Variants in KIF3B observed in about 807,000 individuals in gnomAD.
KIF3B encodes kinesin-like protein KIF3B.
A neutral mutation model predicts 74.3 loss-of-function variants in KIF3B; 38 were observed. That is an observed-to-expected ratio of 0.51 (90% CI 0.39 to 0.67). KIF3B has a LOEUF of 0.67. KIF3B is among the 30% of genes least tolerant of loss of function. The probability of loss-of-function intolerance (pLI) is 0.00; values close to 1 mark genes in which losing one functional copy is unlikely to be tolerated. For missense variants in KIF3B, 649 were observed against 932.0 expected (o/e 0.70, Z 3.95); for synonymous variants, 326 against 342.5 (o/e 0.95, Z 0.53).
chr20:32,302,803 G>A (rs546406859), intron 1 of KIF3B, among the ~76,000 whole-genome samples: 3 of 152,112 alleles, frequency 2.0e-5, no homozygotes, highest in Non-Finnish European at 4.4e-5. Context: ...GAGACAGGCC[G>A]TAGCTCATGA....
intron 1 of KIF3B, among the ~76,000 whole-genome samples, chr20:32,301,962 C>T (rs2047746293): frequency 1.3e-5 from 2 of 152,170 alleles, no homozygotes; most frequent in South Asian, 4.1e-4. Context: ...GGGAATTACT[C>T]AATTTTTCAT....
intron 1 of KIF3B, among the ~76,000 whole-genome samples, chr20:32,297,395 A>G (rs1438546404): frequency 6.6e-6 from 1 of 152,190 alleles, no homozygotes; most frequent in African/African-American, 2.4e-5. Context: ...AAAATACAGA[A>G]ATGTTGAAAG....
At chr20:32,294,477 C>T (rs182039598) in intron 1 of KIF3B, among the ~76,000 whole-genome samples, 12 of 152,226 alleles carry the variant, frequency 7.9e-5, no homozygotes, top group African/African-American at 2.2e-4. Flanking sequence ...AATACATGCA[C>T]CCATCAAAAA....
At chr20:32,311,770 C>G (rs1464529536) in intron 2 of KIF3B, among the ~76,000 whole-genome samples, 2 of 151,456 alleles carry the variant, frequency 1.3e-5, no homozygotes, top group Non-Finnish European at 2.9e-5. Flanking sequence ...ACCCCCCCAC[C>G]CAGTGTAAGA....
At chr20:32,283,133 C>T (rs563518948) in intron 1 of KIF3B, among the ~76,000 whole-genome samples, 1 of 152,234 alleles carries the variant, frequency 6.6e-6, no homozygotes, top group South Asian at 2.1e-4. Context: ...AACTCCTGGG[C>T]TCAAGTGATC....
chr20:32,314,666 C>A (rs554525410), intron 2 of KIF3B, among the ~76,000 whole-genome samples: 3 of 152,176 alleles, frequency 2.0e-5, no homozygotes, highest in Non-Finnish European at 4.4e-5. Flanking sequence ...TGAAAGATGG[C>A]AGCAGAGCTC....
At chr20:32,326,930 A>G (rs1164023219) in intron 6 of KIF3B, 46 bp downstream of exon 6, 4 of 942,312 alleles carry the variant, frequency 4.2e-6, no homozygotes, top group Non-Finnish European at 5.0e-6. Flanking sequence ...ATGAGGGAGG[A>G]AAAGAATGTT....
rs755909525 is a variant in KIF3B, at chr20:32,316,274, A to G, written c.1461A>G (p.Glu487=). Residue 487 remains glutamate (E), a synonymous_variant, in exon 3 of 9, where the codon GAA becomes GAG. Coordinates refer to ENST00000375712, the MANE Select transcript of KIF3B (RefSeq NM_004798.4). ...GGKNIVDHTN[E]QQKILEQKRQ... is the part of the protein sequence containing the mutation. Reference sequence around the variant, plus strand: ...AAAATATAGTAGATCATACGAATGAACAGCAGAAAATCCTGGAGCAGAAAC... The same window carrying G: ...AAAATATAGTAGATCATACGAATGAGCAGCAGAAAATCCTGGAGCAGAAAC... The G allele has an allele frequency of 5.6e-6, 9 of 1,613,858 alleles. No individual in the cohort carries two copies. The South Asian group carries it at 7.7e-5, about 14-fold the overall frequency.
chr20:32,320,860 A>C (rs895811234), intron 5 of KIF3B, among the ~76,000 whole-genome samples: 1 of 152,020 alleles, frequency 6.6e-6, no homozygotes, highest in African/African-American at 2.4e-5. Flanking sequence ...TTTGATGGAC[A>C]TTTGGGTTAT....
At chr20:32,315,563 A>G (rs545226655) in intron 2 of KIF3B, among the ~76,000 whole-genome samples, 5 of 152,062 alleles carry the variant, frequency 3.3e-5, no homozygotes, top group Non-Finnish European at 4.4e-5. Context: ...CAATCAACCA[A>G]TCAGCCAAGT....
intron 1 of KIF3B, among the ~76,000 whole-genome samples, chr20:32,285,956 T>C (rs2047665747): frequency 6.6e-6 from 1 of 152,254 alleles, no homozygotes; most frequent in African/African-American, 2.4e-5. Context: ...TCACACTGAT[T>C]GCGGACATTG....
chr20:32,298,804 A>C (rs148193189), intron 1 of KIF3B, among the ~76,000 whole-genome samples: 2 of 151,992 alleles, frequency 1.3e-5, no homozygotes, highest in African/African-American at 2.4e-5. Flanking sequence ...AGCTGTAGGT[A>C]GTAGGCCACC....
chr20:32,294,594 A>G (rs1263476921), intron 1 of KIF3B, among the ~76,000 whole-genome samples: 5 of 152,224 alleles, frequency 3.3e-5, no homozygotes, highest in Non-Finnish European at 7.3e-5. Context: ...AAAGCTAAGC[A>G]TTTAACATTC....
Position 32,280,404 on chromosome 20 carries a change from C to G in KIF3B, c.-66+2639C>G, listed in dbSNP as rs545134705. Among the ~76,000 whole-genome samples, 5 of 151,986 alleles carry G rather than the reference C, an allele frequency of 3.3e-5. No individual in the cohort carries two copies. In the East Asian group the frequency reaches 9.7e-4, roughly 29 times the overall value. ...GCCCCAGGAACCTGTAATCATGTGC[C>G]ACAATGGGTTGCAAAGAAAGGTAAA... On this transcript the variant is annotated intron_variant, in intron 1 of 8. Coordinates refer to ENST00000375712, the MANE Select transcript of KIF3B (RefSeq NM_004798.4).
chr20:32,307,893 T>C (rs1600427932), intron 1 of KIF3B, among the ~76,000 whole-genome samples: 1 of 136,158 alleles, frequency 7.3e-6, no homozygotes, highest in Non-Finnish European at 1.5e-5. Context: ...TGCTCCAGCC[T>C]GGGTGACAAA....
In KIF3B at chr20:32,310,428, A is replaced by G; in HGVS notation, c.651A>G (p.Ala217=). The change falls in exon 2 of 9, where the codon GCA becomes GCG. Residue 217 remains alanine, a synonymous_variant. Coordinates refer to ENST00000375712, the MANE Select transcript of KIF3B (RefSeq NM_004798.4). The surrounding 1 kb of genome is among the most constrained non-coding windows in gnomAD (Gnocchi z 6.5). ...ACGAGCACAGCTCGCGTTCTCATGC[A>G]ATTTTCGTTATCACTATTGAGTGCA... The part of the protein sequence containing the change: ...NMNEHSSRSH[A]IFVITIECSE... 1.2e-6 allele frequency: 2 copies of G among 1,614,188 alleles called. No homozygotes were observed. The highest frequency in any genetic ancestry group is 1.7e-6 in the Non-Finnish European group (2 of 1,180,044).
At chr20:32,296,538 C>T (rs921141834) in intron 1 of KIF3B, among the ~76,000 whole-genome samples, 1 of 151,774 alleles carries the variant, frequency 6.6e-6, no homozygotes, top group African/African-American at 2.4e-5. Context: ...GCAGAGGTTG[C>T]AGTGAGCCAA....
chr20:32,294,818 C>G (rs1216879788), intron 1 of KIF3B, among the ~76,000 whole-genome samples: 1 of 152,198 alleles, frequency 6.6e-6, no homozygotes, highest in African/African-American at 2.4e-5. Flanking sequence ...GCACATGTGC[C>G]TGTACACATA....
At chr20:32,323,965 C>T (rs563794362) in intron 5 of KIF3B, among the ~76,000 whole-genome samples, 51 of 151,906 alleles carry the variant, frequency 3.4e-4, no homozygotes, top group Non-Finnish European at 6.5e-4. Flanking sequence ...ACATTGTAGG[C>T]GGGAGTGGTG....
Sources: gnomAD v4.1 joint callset for allele counts (sites outside exome capture counted in the v4.1 genomes callset) on GRCh38, gnomAD v4.1.1 for gene constraint, Gnocchi (gnomAD v3.1) non-coding constraint, MANE v1.5 for transcripts, NCBI Gene and HGNC (gene_info 2026-07-23, HGNC 2026-07-21) for gene names.